Variants in LMBR1 observed in about 807,000 individuals in gnomAD.
LMBR1 encodes the protein limb region 1 protein homolog.
In LMBR1, 52 loss-of-function variants were observed where a neutral mutation model predicts 73.9. That is an observed-to-expected ratio of 0.70 (90% CI 0.56 to 0.89). The LOEUF is 0.89. Ranked by LOEUF, LMBR1 falls within the 40% of genes least tolerant of loss-of-function variation. The pLI is 0.00. For synonymous variants in LMBR1, 215 were observed against 209.4 expected, an observed-to-expected ratio of 1.03 and a Z score of -0.23; for missense variants, 539 against 579.8, an observed-to-expected ratio of 0.93 and a Z score of 0.72.
chr7:156,739,530 G>C (rs1019864807), intron 9 of LMBR1, among the ~76,000 whole-genome samples: 1 of 152,194 alleles, frequency 6.6e-6, no homozygotes, highest in Admixed American at 6.5e-5. Context: ...ACCCAGCGTA[G>C]TCCCAGTGTT....
chr7:156,751,052 G>A (rs1820786864), intron 9 of LMBR1, among the ~76,000 whole-genome samples: 1 of 152,210 alleles, frequency 6.6e-6, no homozygotes, highest in Non-Finnish European at 1.5e-5. Context: ...TGAGGCCACA[G>A]TGAGCCGTGA....
At chr7:156,698,767 G>T (rs528287422) in intron 15 of LMBR1, among the ~76,000 whole-genome samples, 1 of 152,262 alleles carries the variant, frequency 6.6e-6, no homozygotes, top group African/African-American at 2.4e-5. Flanking sequence ...AGGGGCTGCC[G>T]TAAAGGTTTC....
rs1266863679 is a variant in LMBR1, at chr7:156,796,694, T to G, written c.320-202A>C. On this transcript the variant is annotated intron_variant, in intron 4 of 16. Coordinates refer to ENST00000353442, the MANE Select transcript of LMBR1 (RefSeq NM_022458.4). ...TTGTACCTATTGGGAAAAGTCAGTA[T>G]AGAAACTAATGTTTTTTTCCATGCC... 3.9e-5 allele frequency among the ~76,000 whole-genome samples: 6 copies of G among 152,198 alleles called. No homozygotes were observed. In the East Asian group the frequency reaches 1.2e-3, roughly 29 times the overall value.
chr7:156,814,266 T>C (rs1046091958), intron 4 of LMBR1, among the ~76,000 whole-genome samples: 10 of 152,228 alleles, frequency 6.6e-5, no homozygotes, highest in African/African-American at 2.4e-4. Context: ...AACAATGTTT[T>C]GAGTTTTCTT....
intron 9 of LMBR1, among the ~76,000 whole-genome samples, chr7:156,748,755 T>C (rs144796482): frequency 0.013 from 1,994 of 152,224 alleles, 45 homozygotes; most frequent in African/African-American, 0.046. Context: ...TCCCAAAGTG[T>C]TGGGATTACA....
At chr7:156,724,307 T>C in intron 14 of LMBR1, 129 bp from the exon 15 acceptor site, 2 of 617,834 alleles carry the variant, frequency 3.2e-6, no homozygotes, top group East Asian at 2.8e-5. Context: ...TTAATGATAC[T>C]ATTCAGTACA....
Position 156,826,719 on chromosome 7 carries a change from C to T in LMBR1, c.205G>A (p.Ala69Thr). ...AGCAAAACAGCCCCAGCTGACACTG[C>T]GAGAGTGAACGTGCTCAAAAACAAC... ...ISLFLSTFTL[A>T]VSAGAVLLLP... Residue 69 changes from alanine to threonine, a missense_variant, in exon 4 of 17, where the codon GCA becomes ACA. This residue lies in a region of LMBR1 where 454 missense variants were observed against 473.4 expected (regional missense o/e 0.96). Coordinates refer to ENST00000353442, the MANE Select transcript of LMBR1 (RefSeq NM_022458.4). 2 of 1,610,360 alleles carry T rather than the reference C, an allele frequency of 1.2e-6. No homozygotes were observed. Among genetic ancestry groups the T allele is most frequent in the South Asian group, 1.1e-5 (1 of 90,428 alleles).
intron 15 of LMBR1, among the ~76,000 whole-genome samples, chr7:156,693,677 C>T (rs1337222280): frequency 1.3e-5 from 2 of 152,116 alleles, no homozygotes; most frequent in African/African-American, 4.8e-5. Context: ...AGCCCAGGAC[C>T]AGATGGCTTC....
intron 4 of LMBR1, chr7:156,823,234 A>G (rs1835092212): frequency 6.6e-6 from 1 of 151,742 alleles, no homozygotes; most frequent in South Asian, 2.1e-4. Context: ...TTAAATTAAC[A>G]TTACAATAAT....
At chr7:156,762,270 C>A in intron 7 of LMBR1, 72 bp from the exon 8 acceptor site, 1 of 897,786 alleles carries the variant, frequency 1.1e-6, no homozygotes. Flanking sequence ...AACAACTAGA[C>A]TGTAAAAATA....
At chr7:156,718,807 C>A (rs550006142) in intron 15 of LMBR1, among the ~76,000 whole-genome samples, 33 of 151,644 alleles carry the variant, frequency 2.2e-4, no homozygotes, top group African/African-American at 6.8e-4. Flanking sequence ...TAGACCCTTA[C>A]GATCATTTGT....
intron 5 of LMBR1, among the ~76,000 whole-genome samples, chr7:156,767,208 G>A (rs1201452191): frequency 1.1e-4 from 16 of 152,112 alleles, no homozygotes; most frequent in Non-Finnish European, 2.9e-5. Context: ...TTAGGAAGCA[G>A]ACGGACTCAA....
intron 9 of LMBR1, among the ~76,000 whole-genome samples, chr7:156,744,760 T>C (rs1819546875): frequency 6.6e-6 from 1 of 152,176 alleles, no homozygotes; most frequent in South Asian, 2.1e-4. Flanking sequence ...ACAACATAAA[T>C]TTATTGTCTT....
In LMBR1 at chr7:156,893,152, G is replaced by A. The variant is rs971910639; in HGVS notation, c.-159C>T. The A allele has an allele frequency of 8.8e-6, 5 of 565,192 alleles. No homozygotes were observed. Among genetic ancestry groups the A allele is most frequent in the African/African-American group, 2.0e-5 (1 of 49,964 alleles). 35.0% of individuals were successfully genotyped at this position (565,192 alleles called of 1,614,324 possible). A position where few individuals can be genotyped will look rare whatever the true frequency, so the allele number is the denominator to read the frequency against. On this transcript the variant is annotated 5_prime_UTR_variant, in exon 1 of 17. Coordinates refer to ENST00000353442, the MANE Select transcript of LMBR1 (RefSeq NM_022458.4). ...TACCGCGACCACGACACCGGCCGTC[G>A]CCTCAGCAGCCTCAGACGAGCAGCT... is the stretch of plus-strand genomic sequence containing the variant.
chr7:156,890,487 A>C (rs559935421), intron 1 of LMBR1, among the ~76,000 whole-genome samples: 166 of 152,342 alleles, frequency 1.1e-3, no homozygotes, highest in African/African-American at 3.8e-3. Context: ...TTCTGTAAAG[A>C]CCTTGCAAAT....
At chr7:156,874,191 C>G (rs1799794431) in intron 1 of LMBR1, among the ~76,000 whole-genome samples, 1 of 152,258 alleles carries the variant, frequency 6.6e-6, no homozygotes, top group Admixed American at 6.5e-5. Flanking sequence ...GAGCACAGCG[C>G]CAGTGGGCCG....
chr7:156,817,014 A>G (rs1303160917), intron 4 of LMBR1, among the ~76,000 whole-genome samples: 1 of 152,166 alleles, frequency 6.6e-6, no homozygotes, highest in Admixed American at 6.5e-5. Context: ...AAATTCAGCA[A>G]CACTATAACA....
chr7:156,735,184 G>A (rs1369151858), intron 9 of LMBR1, among the ~76,000 whole-genome samples: 1 of 152,010 alleles, frequency 6.6e-6, no homozygotes, highest in Non-Finnish European at 1.5e-5. Flanking sequence ...ATTTATAGAA[G>A]GTTACTTCCC....
In LMBR1 at chr7:156,886,155, G is replaced by A. The variant is rs555295303; in HGVS notation, c.66+6773C>T. 2.9e-4 allele frequency among the ~76,000 whole-genome samples: 44 copies of A among 152,156 alleles called. No homozygotes were observed. In the South Asian group the frequency reaches 8.3e-3, roughly 29 times the overall value. ...GCCACAGCATTCCAGCCTGAGTGAC[G>A]GAACCACACTCTGCCTCAAAAATAA... On this transcript the variant is annotated intron_variant, in intron 1 of 16. Coordinates refer to ENST00000353442, the MANE Select transcript of LMBR1 (RefSeq NM_022458.4).
Sources: gnomAD v4.1 joint callset for allele counts (sites outside exome capture counted in the v4.1 genomes callset) on GRCh38, gnomAD v4.1.1 for gene constraint, gnomAD v4.1.1 regional missense constraint, MANE v1.5 for transcripts, NCBI Gene and HGNC (gene_info 2026-07-23, HGNC 2026-07-21) for gene names.